ATRNL1: variants seen among roughly 807,000 people sequenced by gnomAD.
ATRNL1 encodes attractin like 1.
ATRNL1 carries 95 observed loss-of-function variants against 182.7 expected under a neutral mutation model. The observed-to-expected ratio is 0.52, with a 90% CI of 0.44 to 0.62. The LOEUF (loss-of-function observed/expected upper bound fraction) is 0.62. Among genes scored for constraint, ATRNL1 ranks in the 20% least tolerant of loss-of-function variants. The pLI, the probability that ATRNL1 is intolerant of heterozygous loss-of-function variation, is 0.00. For missense variants in ATRNL1, 1,471 were observed against 1,679.5 expected (o/e 0.88, Z 2.17); for synonymous variants, 576 against 568.3 (o/e 1.01, Z -0.19).
In ATRNL1 at chr10:115,467,306, G is replaced by C. The variant is rs879996828; in HGVS notation, c.3496+54G>C. 1.9e-5 allele frequency: 24 copies of C among 1,266,756 alleles called. No homozygotes were observed. In the South Asian group the frequency reaches 3.3e-4, roughly 17 times the overall value. 78.5% of individuals were successfully genotyped at this position (1,266,756 alleles called of 1,614,324 possible). ...TTACATGTGTTCCTATCTGGAAGTTGTTCTAACATGATCTACTGTTAATTA... is the reference window on the plus strand; with the variant it reads ...TTACATGTGTTCCTATCTGGAAGTTCTTCTAACATGATCTACTGTTAATTA... On this transcript the variant is annotated intron_variant, in intron 23 of 28. Transcript: ENST00000355044.
intron 17 of ATRNL1, among the ~76,000 whole-genome samples, chr10:115,303,307 C>T (rs1183999156): frequency 6.7e-6 from 1 of 150,160 alleles, no homozygotes. Flanking sequence ...TCACTGCAAC[C>T]TCCACCTCCC....
At chr10:115,453,705 C>A (rs1592680827) in intron 21 of ATRNL1, among the ~76,000 whole-genome samples, 1 of 150,314 alleles carries the variant, frequency 6.7e-6, no homozygotes, top group Non-Finnish European at 1.5e-5. Flanking sequence ...GGACAAAAAA[C>A]CAAACACTGC....
intron 18 of ATRNL1, among the ~76,000 whole-genome samples, chr10:115,327,646 T>G (rs868921391): frequency 6.7e-6 from 1 of 150,308 alleles, no homozygotes; most frequent in Non-Finnish European, 1.5e-5. Context: ...CGTATGTTTA[T>G]TGCGGCACTA....
intron 19 of ATRNL1, among the ~76,000 whole-genome samples, chr10:115,360,414 C>T (rs1856688735): frequency 6.6e-6 from 1 of 151,708 alleles, no homozygotes; most frequent in African/African-American, 2.4e-5. Context: ...TCATGGCTTT[C>T]AGTTAAACAT....
At chr10:115,211,878 C>T (rs1461607187) in intron 8 of ATRNL1, among the ~76,000 whole-genome samples, 6 of 151,164 alleles carry the variant, frequency 4.0e-5, no homozygotes, top group African/African-American at 1.5e-4. Context: ...ATTTCTTTTT[C>T]TTCTCCTTTT....
intron 19 of ATRNL1, among the ~76,000 whole-genome samples, chr10:115,347,152 C>T (rs547610337): frequency 1.3e-5 from 2 of 152,166 alleles, no homozygotes; most frequent in African/African-American, 4.8e-5. Flanking sequence ...ATTTTTGTTA[C>T]TGACGTGATA....
At chr10:115,749,531 C>T (rs10885801) in intron 27 of ATRNL1, among the ~76,000 whole-genome samples, 70,749 of 151,520 alleles carry the variant, frequency 0.47, 18,184 homozygotes, top group East Asian at 0.75. Flanking sequence ...CAAAAACTCA[C>T]GTGTTTTATT....
intron 1 of ATRNL1, among the ~76,000 whole-genome samples, chr10:115,110,686 C>A (rs1844218577): frequency 6.6e-6 from 1 of 152,066 alleles, no homozygotes; most frequent in South Asian, 2.1e-4. Flanking sequence ...AATTTAGGGG[C>A]ATATTTAGCA....
intron 27 of ATRNL1, among the ~76,000 whole-genome samples, chr10:115,809,337 A>T (rs1431366077): frequency 5.9e-5 from 9 of 151,928 alleles, no homozygotes; most frequent in African/African-American, 1.9e-4. Flanking sequence ...AAATTTTAGA[A>T]TCAACTTTTT....
chr10:115,404,648 C>A (rs1345413350), intron 20 of ATRNL1, among the ~76,000 whole-genome samples: 1 of 152,182 alleles, frequency 6.6e-6, no homozygotes, highest in Non-Finnish European at 1.5e-5. Flanking sequence ...ATTCCCTTAG[C>A]ATCTAGCTTG....
At chr10:115,162,713 A>G (rs1417726060) in intron 6 of ATRNL1, among the ~76,000 whole-genome samples, 2 of 150,180 alleles carry the variant, frequency 1.3e-5, no homozygotes, top group African/African-American at 4.9e-5. Flanking sequence ...AGGACCGGGA[A>G]CTGAGCCTGA....
intron 28 of ATRNL1, among the ~76,000 whole-genome samples, chr10:115,944,261 T>C (rs1374611969): frequency 2.3e-5 from 3 of 129,738 alleles, no homozygotes; most frequent in Non-Finnish European, 5.0e-5. Flanking sequence ...TTTTTAAAAA[T>C]CTTAACATGA....
chr10:115,166,396 C>T (rs551805253), intron 7 of ATRNL1, among the ~76,000 whole-genome samples: 2 of 151,254 alleles, frequency 1.3e-5, no homozygotes, highest in Admixed American at 1.3e-4. Context: ...TCTCTGTTTT[C>T]ATTTTTTTTT....
At chr10:115,845,774 CAAAG>C (rs1950914041) in intron 27 of ATRNL1, among the ~76,000 whole-genome samples, 1 of 151,270 alleles carries the variant, frequency 6.6e-6, no homozygotes, top group Non-Finnish European at 1.5e-5. Context: ...AAAGAAAAAA[CAAAG>C]AAAAGCTTGC....
intron 6 of ATRNL1, among the ~76,000 whole-genome samples, chr10:115,161,704 C>G (rs1846792908): frequency 6.6e-6 from 1 of 151,722 alleles, no homozygotes; most frequent in Non-Finnish European, 1.5e-5. Flanking sequence ...TTTTTTTTGT[C>G]TGAAATCTGA....
intron 20 of ATRNL1, among the ~76,000 whole-genome samples, chr10:115,414,202 A>G (rs999506546): frequency 2.6e-5 from 4 of 152,040 alleles, no homozygotes; most frequent in Non-Finnish European, 4.4e-5. Flanking sequence ...AAACCTACAT[A>G]AAAGATTCTG....
At chr10:115,288,608 G>A (rs549261466) in intron 15 of ATRNL1, among the ~76,000 whole-genome samples, 15 of 151,260 alleles carry the variant, frequency 9.9e-5, no homozygotes, top group Non-Finnish European at 1.6e-4. Context: ...TGCAACCTCC[G>A]TATCCTGGGC....
At chr10:115,507,647 G>A (rs1850181060) in intron 24 of ATRNL1, among the ~76,000 whole-genome samples, 1 of 152,034 alleles carries the variant, frequency 6.6e-6, no homozygotes, top group Admixed American at 6.6e-5. Flanking sequence ...AATTGATGAG[G>A]TAATTCGGAG....
chr10:115,913,563 C>T (rs1288250001), intron 28 of ATRNL1, among the ~76,000 whole-genome samples: 2 of 152,206 alleles, frequency 1.3e-5, no homozygotes, highest in African/African-American at 4.8e-5. Context: ...ATCATCTGTG[C>T]AATACCTGGC....
Sources: gnomAD v4.1 joint callset for allele counts (sites outside exome capture counted in the v4.1 genomes callset) on GRCh38, gnomAD v4.1.1 for gene constraint, MANE v1.5 for transcripts, NCBI Gene and HGNC (gene_info 2026-07-23, HGNC 2026-07-21) for gene names.